Variants in LRP1B observed in about 807,000 individuals in gnomAD.
LRP1B encodes the protein LDL receptor related protein 1B, also known as low-density lipoprotein receptor-related protein 1B.
LRP1B carries 217 observed loss-of-function variants against 556.6 expected under a neutral mutation model. The ratio of observed to expected loss-of-function variants is 0.39; its 90% confidence interval spans 0.35 to 0.44. The LOEUF is 0.44. LRP1B is among the 20% of genes least tolerant of loss of function. The probability of loss-of-function intolerance (pLI) is 1.00; values close to 1 mark genes in which losing one functional copy is unlikely to be tolerated. For synonymous variants in LRP1B, 2,047 were observed against 1,865.8 expected (o/e 1.10, Z -2.50); for missense variants, 5,053 against 5,620.8 (o/e 0.90, Z 3.23).
intron 43 of LRP1B, among the ~76,000 whole-genome samples, chr2:140,587,764 T>C (rs1320569546): frequency 6.6e-6 from 1 of 152,166 alleles, no homozygotes; most frequent in Admixed American, 6.5e-5. Flanking sequence ...TCCTGAGATA[T>C]ACACAATTAT....
rs181118840 is a variant in LRP1B, at chr2:140,285,400, C to G, written c.12968-10802G>C. On this transcript the variant is annotated intron_variant, in intron 84 of 90. Transcript: ENST00000389484. ...ATACACACATATATATATATACACACAGAGAGAGAGATATTTCTACACTGG... is the reference window on the plus strand; with the variant it reads ...ATACACACATATATATATATACACAGAGAGAGAGAGATATTTCTACACTGG... Among the ~76,000 whole-genome samples, 282 of 150,354 alleles carry G rather than the reference C, an allele frequency of 1.9e-3. 2 individuals carry two copies. Among genetic ancestry groups the G allele is most frequent in the Admixed American group, 2.6e-3 (39 of 15,018 alleles).
At chr2:140,977,925 C>G (rs765766402) in intron 18 of LRP1B, among the ~76,000 whole-genome samples, 1 of 152,160 alleles carries the variant, frequency 6.6e-6, no homozygotes, top group Non-Finnish European at 1.5e-5. Context: ...TTATTGACAA[C>G]TTAAGTTGAG....
intron 80 of LRP1B, 83 bp downstream of exon 80, chr2:140,325,678 TA>T: frequency 1.2e-6 from 1 of 865,834 alleles, no homozygotes; most frequent in Non-Finnish European, 1.8e-6. Flanking sequence ...GAATGCAAAG[TA>T]AAGTATCCAT....
intron 23 of LRP1B, among the ~76,000 whole-genome samples, chr2:140,888,308 GAAT>G (rs1452851018): frequency 1.3e-5 from 2 of 151,458 alleles, no homozygotes; most frequent in African/African-American, 2.4e-5. Context: ...AAAATTAATG[GAAT>G]AATATTTCAA....
intron 1 of LRP1B, among the ~76,000 whole-genome samples, chr2:142,120,980 G>T (rs1215089013): frequency 6.6e-6 from 1 of 152,130 alleles, no homozygotes; most frequent in South Asian, 2.1e-4. Context: ...AAAATGGAAT[G>T]TACCCATTTA....
intron 25 of LRP1B, among the ~76,000 whole-genome samples, chr2:140,877,760 G>A (rs570699439): frequency 6.6e-6 from 1 of 152,244 alleles, no homozygotes; most frequent in South Asian, 2.1e-4. Flanking sequence ...TCCCACCAAT[G>A]TTCATCTTAC....
chr2:141,650,876 A>C (rs1689761434), intron 2 of LRP1B, among the ~76,000 whole-genome samples: 1 of 152,194 alleles, frequency 6.6e-6, no homozygotes, highest in Admixed American at 6.6e-5. Context: ...TTTATAGTTT[A>C]AGAGACTATT....
chr2:141,925,902 C>T (rs1363400508), intron 1 of LRP1B, among the ~76,000 whole-genome samples: 3 of 151,960 alleles, frequency 2.0e-5, no homozygotes, highest in Admixed American at 6.6e-5. Context: ...TTAACATCTT[C>T]GAATCTCAAC....
chr2:140,878,612 A>G (rs1175425967), intron 25 of LRP1B, among the ~76,000 whole-genome samples: 1 of 152,182 alleles, frequency 6.6e-6, no homozygotes, highest in Admixed American at 6.6e-5. Context: ...ACTTAGCATT[A>G]AAAACAAAAA....
Position 140,519,522 on chromosome 2 carries a change from C to T in LRP1B, c.8027-2511G>A, listed in dbSNP as rs145151414. Among the ~76,000 whole-genome samples the T allele has an allele frequency of 5.8e-3, 878 of 152,058 alleles. 11 individuals carry two copies. Among genetic ancestry groups the T allele is most frequent in the African/African-American group, 0.018 (747 of 41,492 alleles). Reference sequence around the variant, plus strand: ...CCATAAAAACCCTAGAAGAAAACCTCGGCAATACCATTCAGGACATAGGTA... The same window carrying T: ...CCATAAAAACCCTAGAAGAAAACCTTGGCAATACCATTCAGGACATAGGTA... On this transcript the variant is annotated intron_variant, in intron 49 of 90. Coordinates refer to ENST00000389484, the MANE Select transcript of LRP1B (RefSeq NM_018557.3).
chr2:140,365,813 G>A (rs2105154790), intron 71 of LRP1B, among the ~76,000 whole-genome samples: 1 of 151,672 alleles, frequency 6.6e-6, no homozygotes, highest in Admixed American at 6.6e-5. Flanking sequence ...ACTTACTGAA[G>A]GTATTAACAT....
chr2:141,499,384 C>T (rs1046913384), intron 2 of LRP1B, among the ~76,000 whole-genome samples: 1 of 152,112 alleles, frequency 6.6e-6, no homozygotes, highest in Non-Finnish European at 1.5e-5. Flanking sequence ...TCGCTTCCTT[C>T]CGGTAATACC....
intron 2 of LRP1B, among the ~76,000 whole-genome samples, chr2:141,546,705 T>A (rs182656719): frequency 2.0e-5 from 3 of 152,188 alleles, no homozygotes; most frequent in African/African-American, 7.2e-5. Flanking sequence ...AAAATGAGCA[T>A]TGAGGCCTGC....
chr2:140,274,301 C>T (rs1453042062), intron 85 of LRP1B, 123 bp downstream of exon 85: 2 of 799,050 alleles, frequency 2.5e-6, no homozygotes, highest in South Asian at 3.4e-5. Flanking sequence ...ATAAAAACTG[C>T]AATGGGCACA....
intron 1 of LRP1B, among the ~76,000 whole-genome samples, chr2:141,999,210 T>C (rs1020620598): frequency 3.3e-5 from 5 of 152,022 alleles, no homozygotes; most frequent in African/African-American, 1.2e-4. Context: ...TGAATTCCAA[T>C]GGGAGGAGAG....
chr2:141,026,791 C>T (rs553797716), intron 11 of LRP1B, among the ~76,000 whole-genome samples: 1 of 152,076 alleles, frequency 6.6e-6, no homozygotes, highest in Non-Finnish European at 1.5e-5. Flanking sequence ...TACATTGGGG[C>T]AAAGTCATAA....
At chr2:140,993,855 T>A (rs916263307) in intron 16 of LRP1B, 140 bp downstream of exon 16, 2 of 795,614 alleles carry the variant, frequency 2.5e-6, no homozygotes, top group Non-Finnish European at 4.0e-6. Context: ...CTACTCTTTA[T>A]GCAAAAGGAT....
rs1553448863 is a variant in LRP1B, at chr2:141,691,465, A to AACACACACACACACATACAC, written c.205+118813_205+118814insGTGTATGTGTGTGTGTGTGT. On this transcript the variant is annotated intron_variant, in intron 2 of 90. Transcript: ENST00000389484. ...AAAAAAGTTGGCCAGGTAATCAGCCAACACACACACACACACACACGTTGC... is the reference window on the plus strand; with the variant it reads ...AAAAAAGTTGGCCAGGTAATCAGCCAACACACACACACACATACACACACACACACACACACACACGTTGC... 6.8e-5 allele frequency among the ~76,000 whole-genome samples: 9 copies of AACACACACACACACATACAC among 133,180 alleles called. 1 individual carries two copies. The highest frequency in any genetic ancestry group is 2.3e-4 in the African/African-American group (8 of 34,594). 87.4% of individuals were successfully genotyped at this position (133,180 alleles called of 152,430 possible).
At chr2:140,879,199 G>A (rs1031179429) in intron 25 of LRP1B, among the ~76,000 whole-genome samples, 6 of 152,086 alleles carry the variant, frequency 3.9e-5, no homozygotes, top group African/African-American at 1.4e-4. Context: ...TGTCTACCTT[G>A]TAACTTTCTA....
Sources: gnomAD v4.1 joint callset for allele counts (sites outside exome capture counted in the v4.1 genomes callset) on GRCh38, gnomAD v4.1.1 for gene constraint, MANE v1.5 for transcripts, NCBI Gene and HGNC (gene_info 2026-07-23, HGNC 2026-07-21) for gene names.